The following ANO1 variants were observed in gnomAD, a reference collection of about 807,000 sequenced individuals.
ANO1 encodes the protein anoctamin 1, also known as anoctamin-1.
A neutral mutation model predicts 124.0 loss-of-function variants in ANO1; 59 were observed. The observed-to-expected ratio is 0.48, with a 90% CI of 0.39 to 0.59. ANO1 has a LOEUF of 0.59. Among genes scored for constraint, ANO1 ranks in the 20% least tolerant of loss-of-function variants. The pLI is 0.00. For missense variants in ANO1, 1,059 were observed against 1,328.0 expected, an observed-to-expected ratio of 0.80 and a Z score of 3.15; for synonymous variants, 529 against 532.0, an observed-to-expected ratio of 0.99 and a Z score of 0.08.
the ANO1 span, among the ~76,000 whole-genome samples, chr11:69,971,097 G>T: frequency 6.6e-6 from 1 of 152,140 alleles, no homozygotes; most frequent in African/African-American, 2.4e-5. Flanking sequence ...ATAAATATTG[G>T]GGGTGGGGAG....
intron 1 of ANO1, among the ~76,000 whole-genome samples, chr11:70,065,661 A>G (rs189359280): frequency 8.5e-4 from 110 of 129,174 alleles, no homozygotes; most frequent in African/African-American, 3.2e-3. Flanking sequence ...GGCCCTCCCA[A>G]CCTCCTCTCT....
At chr11:70,020,867 C>T (rs1856793123) in intron 1 of ANO1, 1 of 152,256 alleles carries the variant, frequency 6.6e-6, no homozygotes, top group Admixed American at 6.5e-5. Context: ...CTATTCAAAA[C>T]AAACAAAGAG....
the ANO1 span, among the ~76,000 whole-genome samples, chr11:69,966,663 G>A: frequency 2.0e-5 from 3 of 152,174 alleles, no homozygotes; most frequent in Non-Finnish European, 4.4e-5. Flanking sequence ...TGGGGTTGGG[G>A]CGTTGGGGTG....
At chr11:70,067,689 G>A (rs1555008799) in intron 1 of ANO1, among the ~76,000 whole-genome samples, 1 of 152,154 alleles carries the variant, frequency 6.6e-6, no homozygotes, top group African/African-American at 2.4e-5. Context: ...GATGCTCACA[G>A]GCACCCGGTG....
chr11:70,178,137 T>A (rs1311181799), intron 22 of ANO1, among the ~76,000 whole-genome samples: 1 of 152,156 alleles, frequency 6.6e-6, no homozygotes, highest in Non-Finnish European at 1.5e-5. Flanking sequence ...AGACCCAGAA[T>A]CTACAGGGAT....
At chr11:70,033,370 A>G (rs1352357230) in intron 1 of ANO1, among the ~76,000 whole-genome samples, 1 of 152,188 alleles carries the variant, frequency 6.6e-6, no homozygotes, top group Non-Finnish European at 1.5e-5. Context: ...GCTTTCATTC[A>G]TGATTCACTT....
intron 1 of ANO1, among the ~76,000 whole-genome samples, chr11:70,056,847 T>C (rs79439229): frequency 2.7e-4 from 36 of 132,560 alleles, no homozygotes; most frequent in African/African-American, 8.7e-4. Flanking sequence ...TTTTTTTTTT[T>C]CCTGTGCTTC....
At chr11:70,031,315 C>T (rs1213835609) in intron 1 of ANO1, among the ~76,000 whole-genome samples, 1 of 152,202 alleles carries the variant, frequency 6.6e-6, no homozygotes, top group Non-Finnish European at 1.5e-5. Flanking sequence ...TATCTATCAC[C>T]TCATCCTCCT....
chr11:70,051,039 A>C (rs1388067309), intron 1 of ANO1, among the ~76,000 whole-genome samples: 1 of 152,190 alleles, frequency 6.6e-6, no homozygotes, highest in Non-Finnish European at 1.5e-5. Context: ...ATTGCAGTAG[A>C]CATTCATGAA....
In ANO1 at chr11:70,010,134, GGTGT is replaced by G. The variant is rs34598701; in HGVS notation, c.58+23996_58+23999del. 6.7e-4 allele frequency among the ~76,000 whole-genome samples: 55 copies of G among 81,872 alleles called. 5 individuals are homozygous for G. The highest frequency in any genetic ancestry group is 7.8e-4 in the Non-Finnish European group (33 of 42,068). The allele number at this position is 81,872 out of a possible 152,430, so 53.7% of individuals were successfully genotyped here. ...TTTTTATGGCGGAGTAGTATTCCAT[GGTGT>G]GTGTGTGTGTGTGTGTGTGTGTGTG... is the stretch of plus-strand genomic sequence containing the variant. On this transcript the variant is annotated intron_variant, in intron 1 of 27. Transcript: ENST00000531349.
At chr11:69,986,724 TC>T (rs1554996918) in intron 1 of ANO1, among the ~76,000 whole-genome samples, 1 of 151,994 alleles carries the variant, frequency 6.6e-6, no homozygotes, top group Non-Finnish European at 1.5e-5. Flanking sequence ...CCTGACTTCC[TC>T]CCCCCTGGCT....
intron 2 of ANO1, among the ~76,000 whole-genome samples, chr11:70,090,599 A>T (rs992459541): frequency 3.9e-5 from 6 of 152,220 alleles, no homozygotes; most frequent in African/African-American, 1.4e-4. Context: ...ATTATTGTTC[A>T]TACTGAAGCG....
chr11:70,078,900 G>T (rs1012530829), intron 1 of ANO1, among the ~76,000 whole-genome samples, 186 bp downstream of exon 1: 4 of 151,464 alleles, frequency 2.6e-5, no homozygotes, highest in African/African-American at 7.2e-5. Flanking sequence ...GGCCAAGTGC[G>T]TGCGCCCCGC....
chr11:70,014,303 T>C (rs1856661024), intron 1 of ANO1, among the ~76,000 whole-genome samples: 1 of 103,554 alleles, frequency 9.7e-6, no homozygotes, highest in Non-Finnish European at 1.8e-5. Context: ...GCAGGAGCTC[T>C]TCAGGGCACC....
intron 16 of ANO1, among the ~76,000 whole-genome samples, chr11:70,160,781 T>G (rs10793022): frequency 6.6e-6 from 1 of 152,088 alleles, no homozygotes; most frequent in Non-Finnish European, 1.5e-5. Flanking sequence ...GCGGCCATAC[T>G]GTGTCCTGGG....
intron 6 of ANO1, among the ~76,000 whole-genome samples, chr11:70,109,891 G>A (rs527701056): frequency 6.6e-6 from 1 of 151,994 alleles, no homozygotes; most frequent in Non-Finnish European, 1.5e-5. Flanking sequence ...AGATAGATGC[G>A]GGTCCTCCTC....
chr11:70,126,130 T>C lies in ANO1; in HGVS notation c.1032T>C (p.Pro344=). ...WLGVYTQMLI[P]ASIVGIIVFL... is the part of the protein sequence containing the mutation. ...GCGTGTACACCCAGATGCTCATCCC[T>C]GCCTCCATCGTGGGAATCATTGTCT... is the stretch of plus-strand genomic sequence containing the variant. The change falls in exon 10 of 26, where the codon CCT becomes CCC. Residue 344 remains proline, a synonymous_variant. Coordinates refer to ENST00000355303, the MANE Select transcript of ANO1 (RefSeq NM_018043.7). 6.2e-7 allele frequency: 1 copy of C among 1,613,794 alleles called. No individual in the cohort carries two copies. Among genetic ancestry groups the C allele is most frequent in the Non-Finnish European group, 8.5e-7 (1 of 1,179,778 alleles).
At chr11:70,044,744 A>G (rs1210389070) in intron 1 of ANO1, among the ~76,000 whole-genome samples, 1 of 152,170 alleles carries the variant, frequency 6.6e-6, no homozygotes, top group Non-Finnish European at 1.5e-5. Context: ...GCTGGCATAT[A>G]TTCTTTAAAA....
intron 1 of ANO1, among the ~76,000 whole-genome samples, chr11:69,993,337 C>T (rs1438680964): frequency 6.6e-6 from 1 of 152,162 alleles, no homozygotes; most frequent in Non-Finnish European, 1.5e-5. Flanking sequence ...ACACAAAAGT[C>T]TGAACATGGT....
Sources: allele counts gnomAD v4.1 joint callset (sites outside exome capture counted in the v4.1 genomes callset), GRCh38; gene constraint gnomAD v4.1.1; transcripts MANE v1.5; gene names NCBI Gene and HGNC (gene_info 2026-07-23, HGNC 2026-07-21).